ATXN3: variants seen among roughly 807,000 people sequenced by gnomAD.
ATXN3 encodes ataxin 3, also known as ataxin-3.
In ATXN3, 28 loss-of-function variants were observed where a neutral mutation model predicts 58.2. That is an observed-to-expected ratio of 0.48 (90% CI 0.36 to 0.66). The LOEUF is 0.66. Among genes scored for constraint, ATXN3 ranks in the 30% least tolerant of loss-of-function variants. The pLI, the probability that ATXN3 is intolerant of heterozygous loss-of-function variation, is 0.00. For missense variants in ATXN3, 321 were observed against 422.1 expected (o/e 0.76, Z 2.10); for synonymous variants, 113 against 138.5 (o/e 0.82, Z 1.29).
chr14:92,097,117 G>A (rs2065533388), intron 1 of ATXN3, among the ~76,000 whole-genome samples: 1 of 151,878 alleles, frequency 6.6e-6, no homozygotes, highest in African/African-American at 2.4e-5. Context: ...TCCTGTGTTA[G>A]CCAGGATGGT....
At chr14:92,069,716 CT>C (rs2059123734) in intron 10 of ATXN3, among the ~76,000 whole-genome samples, 1 of 152,106 alleles carries the variant, frequency 6.6e-6, no homozygotes, top group South Asian at 2.1e-4. Context: ...CCTAAGTTTT[CT>C]TTTCTTTTGG....
intron 9 of ATXN3, among the ~76,000 whole-genome samples, chr14:92,076,093 T>C (rs1045022541): frequency 4.0e-4 from 61 of 152,184 alleles, no homozygotes; most frequent in African/African-American, 1.3e-3. Flanking sequence ...ATTGCTGACA[T>C]TGTACTTGTT....
intron 9 of ATXN3, among the ~76,000 whole-genome samples, chr14:92,077,358 T>C (rs909210703): frequency 3.3e-5 from 5 of 151,856 alleles, no homozygotes; most frequent in African/African-American, 9.7e-5. Flanking sequence ...CTTTCTTTTT[T>C]TTTTTTGAGA....
upstream of ATXN3, among the ~76,000 whole-genome samples, chr14:92,051,295 A>G (rs1352262343): frequency 6.6e-6 from 1 of 152,188 alleles, no homozygotes; most frequent in Admixed American, 6.5e-5. Flanking sequence ...AAGTTAACAG[A>G]TTCCATTTTT....
At chr14:92,055,373 C>T (rs1212023454), downstream of ATXN3, among the ~76,000 whole-genome samples, 1 of 151,932 alleles carries the variant, frequency 6.6e-6, no homozygotes, top group Non-Finnish European at 1.5e-5. The surrounding 1 kb of genome is among the most constrained non-coding windows in gnomAD (Gnocchi z 4.5). Flanking sequence ...ATTTTGTAAC[C>T]ATTTTCAGTT....
At chr14:92,104,922 CAAAAAA>C (rs11308589) in intron 1 of ATXN3, among the ~76,000 whole-genome samples, 1 of 124,784 alleles carries the variant, frequency 8.0e-6, no homozygotes, top group Non-Finnish European at 1.7e-5. Flanking sequence ...AACTCCATCT[CAAAAAA>C]AAAAAAAAAA....
At chr14:92,066,774 A>ATTT (rs144833998) in intron 10 of ATXN3, among the ~76,000 whole-genome samples, 1,709 of 140,564 alleles carry the variant, frequency 0.012, 48 homozygotes, top group African/African-American at 0.039. Flanking sequence ...AGCCTGGATA[A>ATTT]TTTTTTTTTT....
At chr14:92,083,043 C>T in intron 7 of ATXN3, 83 bp downstream of exon 7, 5 of 1,479,124 alleles carry the variant, frequency 3.4e-6, no homozygotes, top group Non-Finnish European at 4.5e-6. Flanking sequence ...AACACAAGGA[C>T]CACATATTCA....
Position 92,095,099 on chromosome 14 carries a change from T to TAA in ATXN3, c.234+992_234+993dup, listed in dbSNP as rs10672184. Among the ~76,000 whole-genome samples, 71 of 144,984 alleles carry TAA rather than the reference T, an allele frequency of 4.9e-4. 1 individual carries two copies. The highest frequency in any genetic ancestry group is 7.0e-3 in the Middle Eastern group (2 of 284). ...AAAGAATTCAAAGAGAGCTATACAT[T>TAA]AAAAAAAAAAAATCAAAAGCCACAA... On this transcript the variant is annotated intron_variant, in intron 3 of 10. Coordinates refer to ENST00000644486, the MANE Select transcript of ATXN3 (RefSeq NM_004993.6).
At chr14:92,105,520 G>T (rs1391599394) in intron 1 of ATXN3, among the ~76,000 whole-genome samples, 1 of 151,970 alleles carries the variant, frequency 6.6e-6, no homozygotes, top group Non-Finnish European at 1.5e-5. Context: ...TAAATGTCTG[G>T]GATAAATGAT....
At chr14:92,104,947 G>A (rs1459144331) in intron 1 of ATXN3, among the ~76,000 whole-genome samples, 1 of 150,126 alleles carries the variant, frequency 6.7e-6, no homozygotes, top group Non-Finnish European at 1.5e-5. Context: ...AAAAGTACGT[G>A]TGTATTTTTC....
In ATXN3 at chr14:92,096,157, G is replaced by C; in HGVS notation, c.190-20C>G. 1 of 999,086 alleles carries C rather than the reference G, an allele frequency of 1.0e-6. No homozygotes were observed. Among genetic ancestry groups the C allele is most frequent in the Non-Finnish European group, 1.5e-6 (1 of 680,170 alleles). The allele number at this position is 999,086 out of a possible 1,614,324, so 61.9% of individuals were successfully genotyped here. A position where few individuals can be genotyped will look rare whatever the true frequency, so the allele number is the denominator to read the frequency against. ...AGGCTGCTGTTAATTTTGACAGGTAGTTGAAGCAAGGGTGGGGGTGGGGAA... is the reference window on the plus strand; with the variant it reads ...AGGCTGCTGTTAATTTTGACAGGTACTTGAAGCAAGGGTGGGGGTGGGGAA... On this transcript the variant is annotated intron_variant, in intron 2 of 10. Transcript: ENST00000644486.
intron 9 of ATXN3, among the ~76,000 whole-genome samples, chr14:92,074,050 G>A (rs1328237734): frequency 1.3e-5 from 2 of 148,498 alleles, no homozygotes; most frequent in East Asian, 2.0e-4. Context: ...AAATGGGCCA[G>A]GCATGGTGGC....
intron 10 of ATXN3, among the ~76,000 whole-genome samples, chr14:92,065,060 G>A (rs1297765531): frequency 6.6e-6 from 1 of 152,166 alleles, no homozygotes; most frequent in Non-Finnish European, 1.5e-5. Flanking sequence ...AGACATAGAA[G>A]TGTTATAATA....
At chr14:92,058,517 T>G (rs989742521), downstream of ATXN3, 6 of 152,194 alleles carry the variant, frequency 3.9e-5, no homozygotes, top group African/African-American at 1.4e-4. Context: ...TTTGAATAGC[T>G]ATGAATTAAC....
At position 92,063,492 on chromosome 14, in the gene ATXN3, G is replaced by A. The variant is rs1383672050; in HGVS notation, c.*828C>T. ...TGGAGAAGAAAGGAAAAAATAAGGC[G>A]CAGGAAGAAGGGGTTGCAACAAAGC... On this transcript the variant is annotated 3_prime_UTR_variant, in exon 11 of 11. Coordinates refer to ENST00000644486, the MANE Select transcript of ATXN3 (RefSeq NM_004993.6). 1.3e-5 allele frequency: 2 copies of A among 152,156 alleles called. No individual in the cohort carries two copies. Among genetic ancestry groups the A allele is most frequent in the African/African-American group, 4.8e-5 (2 of 41,436 alleles). The allele number at this position is 152,156 out of a possible 1,614,324, so 9.4% of individuals were successfully genotyped here.
At chr14:92,055,424 C>T (rs146747341), downstream of ATXN3, among the ~76,000 whole-genome samples, 2 of 152,244 alleles carry the variant, frequency 1.3e-5, no homozygotes, top group East Asian at 1.9e-4. This position sits in a 1 kb window ranked among gnomAD's most constrained non-coding sequence, Gnocchi z 4.5. Flanking sequence ...AGTACATTCA[C>T]GTTGTTGTGC....
chr14:92,053,267 T>A (rs1007381288), upstream of ATXN3, among the ~76,000 whole-genome samples: 1 of 151,264 alleles, frequency 6.6e-6, no homozygotes, highest in African/African-American at 2.4e-5. Context: ...ATTAATTAAA[T>A]AAGTAAATAA....
At chr14:92,086,923 G>A (rs1367189282) in intron 6 of ATXN3, among the ~76,000 whole-genome samples, 2 of 152,168 alleles carry the variant, frequency 1.3e-5, no homozygotes, top group Non-Finnish European at 2.9e-5. Context: ...TGAGGGACTG[G>A]TTTTGGTTAG....
Sources: allele counts gnomAD v4.1 joint callset (sites outside exome capture counted in the v4.1 genomes callset), GRCh38; gene constraint gnomAD v4.1.1; non-coding constraint Gnocchi (gnomAD v3.1); transcripts MANE v1.5; gene names NCBI Gene and HGNC (gene_info 2026-07-23, HGNC 2026-07-21).